UBR3: variants seen among roughly 807,000 people sequenced by gnomAD.
UBR3 encodes E3 ubiquitin-protein ligase UBR3.
UBR3 carries 85 observed loss-of-function variants against 243.2 expected under a neutral mutation model. The observed-to-expected ratio is 0.35, with a 90% CI of 0.29 to 0.42. UBR3 has a LOEUF of 0.42. Among genes scored for constraint, UBR3 ranks in the 10% least tolerant of loss-of-function variants. UBR3 has a pLI of 1.00. For missense variants in UBR3, 1,686 were observed against 2,300.8 expected (o/e 0.73, Z 5.47); for synonymous variants, 748 against 799.8 (o/e 0.94, Z 1.09).
At chr2:169,854,422 G>T (rs1399378002) in intron 1 of UBR3, among the ~76,000 whole-genome samples, 1 of 152,034 alleles carries the variant, frequency 6.6e-6, no homozygotes, top group Non-Finnish European at 1.5e-5. Flanking sequence ...AAGAGGTTTA[G>T]GTTTTTGTAA....
At chr2:169,956,907 C>CTATA (rs567608735) in intron 23 of UBR3, among the ~76,000 whole-genome samples, 275 of 152,234 alleles carry the variant, frequency 1.8e-3, no homozygotes, top group African/African-American at 6.3e-3. Context: ...GACTTCTATA[C>CTATA]TGTATAGATA....
In UBR3 at chr2:169,949,855, T is replaced by G; in HGVS notation, c.3335T>G (p.Leu1112Arg). 1 of 1,587,194 alleles carries G rather than the reference T, an allele frequency of 6.3e-7. No individual in the cohort carries two copies. Among genetic ancestry groups the G allele is most frequent in the Non-Finnish European group, 8.6e-7 (1 of 1,164,916 alleles). The change falls in exon 23 of 39, where the codon CTT becomes CGT. Residue 1112 changes from leucine to arginine, a missense_variant. Leu to Arg is a moderately radical substitution (Grantham distance 102). This residue lies in a region of UBR3 where 300 missense variants were observed against 314.4 expected (regional missense o/e 0.95). Transcript: ENST00000272793. ...GKQNSYYPPW[L>R]DDIEILIQPE... ...CAAAACTCCTACTATCCTCCTTGGC[T>G]TGATGACATAGAAATTTTAATCCAA...
intron 1 of UBR3, among the ~76,000 whole-genome samples, chr2:169,840,888 C>G (rs960984249): frequency 6.6e-6 from 1 of 152,136 alleles, no homozygotes; most frequent in African/African-American, 2.4e-5. Context: ...GCAAGGAGCA[C>G]TGCACTGGAA....
In UBR3 at chr2:169,993,946, C is replaced by T. The variant is rs866069109; in HGVS notation, c.3785-377C>T. On this transcript the variant is annotated intron_variant, in intron 25 of 38. Coordinates refer to ENST00000272793, the MANE Select transcript of UBR3 (RefSeq NM_172070.4). ...CTCACCTTGCACTTTTCCCCAACCCCGGACTCAGCTCTTTCTCCAAGGATC... is the reference window on the plus strand; with the variant it reads ...CTCACCTTGCACTTTTCCCCAACCCTGGACTCAGCTCTTTCTCCAAGGATC... Among the ~76,000 whole-genome samples the T allele has an allele frequency of 1.1e-4, 16 of 152,212 alleles. No individual in the cohort carries two copies. The Middle Eastern group carries it at 0.01, about 97-fold the overall frequency.
At chr2:169,870,837 A>T (rs933688906) in intron 1 of UBR3, among the ~76,000 whole-genome samples, 1 of 151,888 alleles carries the variant, frequency 6.6e-6, no homozygotes, top group Non-Finnish European at 1.5e-5. Context: ...TATTTTTAGT[A>T]GAGATGGGGT....
chr2:169,849,168 G>C (rs1344174333), intron 1 of UBR3, among the ~76,000 whole-genome samples: 1 of 152,184 alleles, frequency 6.6e-6, no homozygotes, highest in Non-Finnish European at 1.5e-5. Flanking sequence ...GCGCAGCGTG[G>C]GGCCCTAGCT....
intron 28 of UBR3, among the ~76,000 whole-genome samples, 155 bp from the exon 29 acceptor site, chr2:170,008,649 C>T (rs2089993511): frequency 6.6e-6 from 1 of 151,980 alleles, no homozygotes; most frequent in African/African-American, 2.4e-5. Flanking sequence ...ATTGGTTTAA[C>T]TTTGTACACT....
intron 28 of UBR3, 83 bp downstream of exon 28, chr2:170,007,273 C>T: frequency 7.1e-7 from 1 of 1,409,356 alleles, no homozygotes; most frequent in Non-Finnish European, 9.6e-7. Flanking sequence ...TTATAAATTA[C>T]TCTGGACTTT....
At chr2:169,926,579 T>C in intron 14 of UBR3, 113 bp from the exon 15 acceptor site, 1 of 1,083,626 alleles carries the variant, frequency 9.2e-7, no homozygotes, top group East Asian at 2.7e-5. Flanking sequence ...TGAGACTCTG[T>C]CTCAAAAACA....
chr2:169,942,322 A>C (rs1022433771), intron 19 of UBR3, among the ~76,000 whole-genome samples, 171 bp from the exon 20 acceptor site: 2 of 152,226 alleles, frequency 1.3e-5, no homozygotes, highest in Non-Finnish European at 2.9e-5. Context: ...GAAAAGAAAT[A>C]GTAATGTTCA....
intron 16 of UBR3, 30 bp downstream of exon 16, chr2:169,927,001 A>G (rs778020950): frequency 6.5e-6 from 10 of 1,535,384 alleles, no homozygotes; most frequent in Non-Finnish European, 8.8e-6. Context: ...ATACTTATGC[A>G]TTAACTGTTT....
chr2:169,906,788 C>A lies in UBR3; in HGVS notation c.1779+624C>A, dbSNP rs191445598. 3.3e-5 allele frequency among the ~76,000 whole-genome samples: 5 copies of A among 152,118 alleles called. No homozygotes were observed. The East Asian group carries it at 7.7e-4, about 23-fold the overall frequency. ...TTTGACTCTGCTTCTTTTTTACTTG[C>A]GTGACTTGGTCAGCTCATTTAAAAA... On this transcript the variant is annotated intron_variant, in intron 10 of 38. Transcript: ENST00000272793.
rs1302956954 is a variant in UBR3, at chr2:170,015,434, G to C, written c.4453+68G>C. ...TTTTGGAAGCATTGACAGGAAAAGT[G>C]ACATTTTGGTATATTTCAAATTTTG... On this transcript the variant is annotated intron_variant, in intron 30 of 38. Coordinates refer to ENST00000272793, the MANE Select transcript of UBR3 (RefSeq NM_172070.4). The C allele has an allele frequency of 4.6e-6, 6 of 1,307,102 alleles. No individual in the cohort carries two copies. The East Asian group carries it at 1.4e-4, about 31-fold the overall frequency. The allele number at this position is 1,307,102 out of a possible 1,614,324, so 81.0% of individuals were successfully genotyped here. A position where few individuals can be genotyped will look rare whatever the true frequency, so the allele number is the denominator to read the frequency against.
rs993640698 is a variant in UBR3, at chr2:169,925,639, C to T, written c.2043C>T (p.His681=). 5 of 1,549,484 alleles carry T rather than the reference C, an allele frequency of 3.2e-6. No homozygotes were observed. Among genetic ancestry groups the T allele is most frequent in the Non-Finnish European group, 4.4e-6 (5 of 1,146,228 alleles). Residue 681 remains histidine (H), a synonymous_variant, in exon 14 of 39, where the codon CAC becomes CAT. Transcript: ENST00000272793. ...LQIQASLAEI[H]SNMWVRNGLQ... Reference sequence around the variant, plus strand: ...ATTAGGCAAGTCTTGCAGAAATCCACAGCAATATGTGGGTAAGAAATGGTC... The same window carrying T: ...ATTAGGCAAGTCTTGCAGAAATCCATAGCAATATGTGGGTAAGAAATGGTC...
intron 32 of UBR3, among the ~76,000 whole-genome samples, chr2:170,054,094 TTAC>T (rs1307185437): frequency 6.6e-6 from 1 of 152,202 alleles, no homozygotes; most frequent in Non-Finnish European, 1.5e-5. Context: ...TTACATATTG[TTAC>T]TACTATTTCA....
At chr2:169,840,469 G>T (rs984205652) in intron 1 of UBR3, among the ~76,000 whole-genome samples, 1 of 152,180 alleles carries the variant, frequency 6.6e-6, no homozygotes, top group Non-Finnish European at 1.5e-5. Context: ...AGTCCACACT[G>T]TACCTCTCAC....
chr2:169,859,018 TTTGA>T (rs1474841233), intron 1 of UBR3, among the ~76,000 whole-genome samples: 2 of 152,134 alleles, frequency 1.3e-5, no homozygotes, highest in African/African-American at 4.8e-5. Context: ...TTCTGGTTAC[TTTGA>T]TTATTTTCCT....
At chr2:169,929,824 GCTT>G (rs1350428726) in intron 18 of UBR3, among the ~76,000 whole-genome samples, 2 of 152,082 alleles carry the variant, frequency 1.3e-5, no homozygotes, top group Admixed American at 6.6e-5. Flanking sequence ...GCAGTTACGT[GCTT>G]CTTGACTCCC....
chr2:169,926,656 A>G (rs1157755248), intron 14 of UBR3, 36 bp from the exon 15 acceptor site: 1 of 1,500,992 alleles, frequency 6.7e-7, no homozygotes, highest in South Asian at 1.3e-5. Flanking sequence ...GGAAAACTGA[A>G]TATTGAGAAA....
Sources: allele counts gnomAD v4.1 joint callset (sites outside exome capture counted in the v4.1 genomes callset), GRCh38; gene constraint gnomAD v4.1.1; regional missense constraint gnomAD v4.1.1; transcripts MANE v1.5; gene names NCBI Gene and HGNC (gene_info 2026-07-23, HGNC 2026-07-21).